Variants in CRBN observed in about 807,000 individuals in gnomAD.
CRBN encodes the protein cereblon.
Under a neutral mutation model 62.2 loss-of-function variants are expected in CRBN, and 53 were observed. The observed-to-expected ratio is 0.85, with a 90% CI of 0.68 to 1.07. CRBN has a LOEUF of 1.07. CRBN is among the 50% of genes least tolerant of loss of function. CRBN has a pLI of 0.00. For synonymous variants in CRBN, 208 were observed against 176.1 expected (o/e 1.18, Z -1.43); for missense variants, 616 against 531.1 (o/e 1.16, Z -1.57).
intron 2 of CRBN, 67 bp from the exon 3 acceptor site, chr3:3,174,328 C>G: frequency 1.6e-6 from 2 of 1,241,274 alleles, no homozygotes; most frequent in Non-Finnish European, 2.4e-6. Context: ...GCTCAACAGA[C>G]TAAAGAGCAA....
intron 5 of CRBN, among the ~76,000 whole-genome samples, chr3:3,163,840 A>G (rs711621): frequency 0.89 from 135,956 of 152,208 alleles, 62,692 homozygotes; most frequent in East Asian, 1. Context: ...AAAAAAAATT[A>G]AAGATTTCTG....
chr3:3,150,986 G>A lies in CRBN; in HGVS notation c.1208C>T (p.Thr403Met), dbSNP rs760208270. The A allele has an allele frequency of 8.1e-6, 13 of 1,613,940 alleles. No individual in the cohort carries two copies. Among genetic ancestry groups the A allele is most frequent in the Admixed American group, 3.3e-5 (2 of 59,960 alleles). The stretch of plus-strand genomic sequence containing the variant: ...AGGTGACATGTCTTTTTTGGTGGCC[G>A]TAAACTTCCATCCAATATGGCTTGC... ...ICASHIGWKF[T>M]ATKKDMSPQK... Residue 403 changes from threonine to methionine, a missense_variant, in exon 11 of 11, where the codon ACG becomes ATG. Transcript: ENST00000231948.
Position 3,150,955 on chromosome 3 carries a change from T to C in CRBN, c.1239A>G (p.Lys413=). ...TATKKDMSPQ[K]FWGLTRSALL... ...GAGCAGATCGCGTTAAGCCCCAAAA[T>C]TTTTGAGGTGACATGTCTTTTTTGG... Residue 413 remains lysine (K), a synonymous_variant, in exon 11 of 11, where the codon AAA becomes AAG. Transcript: ENST00000231948. The C allele has an allele frequency of 6.2e-7, 1 of 1,614,034 alleles. No individual in the cohort carries two copies. The highest frequency in any genetic ancestry group is 8.5e-7 in the Non-Finnish European group (1 of 1,179,988).
intron 5 of CRBN, among the ~76,000 whole-genome samples, chr3:3,159,304 G>A (rs936314909): frequency 9.9e-5 from 15 of 152,072 alleles, no homozygotes; most frequent in African/African-American, 3.4e-4. Flanking sequence ...GAGAGAAGAA[G>A]CTATATATTC....
At chr3:3,152,280 G>A (rs1336456205) in intron 10 of CRBN, among the ~76,000 whole-genome samples, 176 bp downstream of exon 10, 4 of 151,730 alleles carry the variant, frequency 2.6e-5, no homozygotes. Flanking sequence ...AGCATCCCGA[G>A]CAGCTGGGAG....
chr3:3,165,946 C>T (rs1707310289), intron 5 of CRBN, among the ~76,000 whole-genome samples: 2 of 152,110 alleles, frequency 1.3e-5, no homozygotes, highest in South Asian at 4.1e-4. Flanking sequence ...TCCTTGGGGG[C>T]CACATACTGA....
intron 6 of CRBN, chr3:3,155,800 C>G: frequency 6.3e-6 from 1 of 158,928 alleles, no homozygotes; most frequent in South Asian, 1.7e-4. Context: ...TCTAAAGAGT[C>G]TTGTGATACC....
At chr3:3,169,930 A>AC (rs934645197) in intron 4 of CRBN, among the ~76,000 whole-genome samples, 3 of 149,840 alleles carry the variant, frequency 2.0e-5, no homozygotes, top group Non-Finnish European at 1.5e-5. Flanking sequence ...GAAGATGCCC[A>AC]CCCCCCCTCC....
rs187654471 is a variant in CRBN, at chr3:3,151,291, A to G, written c.1149-246T>C. 3.9e-5 allele frequency among the ~76,000 whole-genome samples: 6 copies of G among 152,304 alleles called. No homozygotes were observed. The East Asian group carries it at 7.7e-4, about 20-fold the overall frequency. The stretch of plus-strand genomic sequence containing the variant: ...ATTTTTCTTCTACTGCATAGAAATA[A>G]AGAGTAATCTTAAGAATTTCTTTAT... On this transcript the variant is annotated intron_variant, in intron 10 of 10. Coordinates refer to ENST00000231948, the MANE Select transcript of CRBN (RefSeq NM_016302.4).
chr3:3,154,820 C>A lies in CRBN; in HGVS notation c.762G>T (p.Met254Ile). 2 of 1,586,564 alleles carry A rather than the reference C, an allele frequency of 1.3e-6. No individual in the cohort carries two copies. Among genetic ancestry groups the A allele is most frequent in the Non-Finnish European group, 1.7e-6 (2 of 1,155,078 alleles). Residue 254 changes from methionine (M) to isoleucine (I), a missense_variant, in exon 7 of 11, where the codon ATG (methionine) becomes ATT (isoleucine). Coordinates refer to ENST00000231948, the MANE Select transcript of CRBN (RefSeq NM_016302.4). ...CACGTAGCTGTTTCTTGATTCTGTC[C>A]ATTAAGGTCTCCTTGTTTAAAATAA... ...LYSLYDAETL[M>I]DRIKKQLREW...
Position 3,172,834 on chromosome 3 carries a change from C to A in CRBN, c.469G>T (p.Val157Leu). Residue 157 changes from valine (V) to leucine (L), a missense_variant, in exon 4 of 11, where the codon GTG becomes TTG. By Grantham distance (32) the Val-to-Leu change is conservative. Coordinates refer to ENST00000231948, the MANE Select transcript of CRBN (RefSeq NM_016302.4). ...AACCTTTGTCTTCCAATTGCTTTCACTTTCACTATCTCAATTCCAAAATCC... is the reference window on the plus strand; with the variant it reads ...AACCTTTGTCTTCCAATTGCTTTCAATTTCACTATCTCAATTCCAAAATCC... Reference protein sequence around the residue: ...EQDFGIEIVKVKAIGRQRFKV... With the variant: ...EQDFGIEIVKLKAIGRQRFKV... The A allele has an allele frequency of 6.2e-7, 1 of 1,613,964 alleles. No homozygotes were observed. Among genetic ancestry groups the A allele is most frequent in the Non-Finnish European group, 8.5e-7 (1 of 1,179,836 alleles).
chr3:3,153,257 C>T (rs1203756497), intron 9 of CRBN, 167 bp downstream of exon 9: 2 of 574,518 alleles, frequency 3.5e-6, no homozygotes, highest in East Asian at 6.0e-5. Context: ...GCTCTGAGTA[C>T]CCAATCTGGA....
chr3:3,152,744 T>C lies in CRBN; in HGVS notation c.1017-157A>G, dbSNP rs181439852. ...TAATACCAGGATCTTAGTATGAAAATGGGGTGGGGGTACAGCTGGCAGACA... is the reference window on the plus strand; with the variant it reads ...TAATACCAGGATCTTAGTATGAAAACGGGGTGGGGGTACAGCTGGCAGACA... On this transcript the variant is annotated intron_variant, in intron 9 of 10. Coordinates refer to ENST00000231948, the MANE Select transcript of CRBN (RefSeq NM_016302.4). Among the ~76,000 whole-genome samples the C allele has an allele frequency of 3.5e-4, 53 of 152,182 alleles. 1 individual carries two copies. The East Asian group carries it at 6.4e-3, about 18-fold the overall frequency.
At chr3:3,165,291 G>A (rs1218498714) in intron 5 of CRBN, among the ~76,000 whole-genome samples, 1 of 152,196 alleles carries the variant, frequency 6.6e-6, no homozygotes, top group Non-Finnish European at 1.5e-5. Flanking sequence ...AGTTGATAAA[G>A]CAGCAGCAAG....
intron 4 of CRBN, among the ~76,000 whole-genome samples, chr3:3,169,499 G>T (rs1052066088): frequency 2.0e-5 from 3 of 152,000 alleles, no homozygotes; most frequent in African/African-American, 7.3e-5. Context: ...CACAAATCTG[G>T]AAAAATTCTG....
chr3:3,167,514 G>T, intron 5 of CRBN, 120 bp downstream of exon 5: 1 of 952,350 alleles, frequency 1.1e-6, no homozygotes, highest in Non-Finnish European at 1.6e-6. Flanking sequence ...AATGTAGCTG[G>T]AATATTGCCA....
rs199952359 is a variant in CRBN, at chr3:3,163,632, C to CAG, written c.687+4000_687+4001dup. Among the ~76,000 whole-genome samples the CAG allele has an allele frequency of 4.3e-3, 648 of 152,330 alleles. 6 individuals are homozygous for CAG. The highest frequency in any genetic ancestry group is 0.024 in the Middle Eastern group (7 of 294). The stretch of plus-strand genomic sequence containing the variant: ...CAGGCAGGTCACAGAACTAGCTGTA[C>CAG]AGAGCACTTGAGTCAGGAATTAACT... On this transcript the variant is annotated intron_variant, in intron 5 of 10. Transcript: ENST00000231948.
Position 3,150,974 on chromosome 3 carries a change from T to G in CRBN, c.1220A>C (p.Lys407Thr), listed in dbSNP as rs139391260. ...HIGWKFTATK[K>T]DMSPQKFWGL... The stretch of plus-strand genomic sequence containing the variant: ...CCAAAATTTTTGAGGTGACATGTCT[T>G]TTTTGGTGGCCGTAAACTTCCATCC... Residue 407 changes from lysine to threonine, a missense_variant, in exon 11 of 11, where the codon AAA (lysine) becomes ACA (threonine). Coordinates refer to ENST00000231948, the MANE Select transcript of CRBN (RefSeq NM_016302.4). 5.0e-6 allele frequency: 8 copies of G among 1,613,948 alleles called. No individual in the cohort carries two copies. In the African/African-American group the frequency reaches 1.1e-4, roughly 22 times the overall value.
At chr3:3,165,402 C>G (rs1399995613) in intron 5 of CRBN, among the ~76,000 whole-genome samples, 1 of 152,102 alleles carries the variant, frequency 6.6e-6, no homozygotes, top group African/African-American at 2.4e-5. Flanking sequence ...AAGGAAGAGT[C>G]AATCTGTGGG....
Sources: allele counts gnomAD v4.1 joint callset (sites outside exome capture counted in the v4.1 genomes callset), GRCh38; gene constraint gnomAD v4.1.1; transcripts MANE v1.5; gene names NCBI Gene and HGNC (gene_info 2026-07-23, HGNC 2026-07-21).